CHSY3: variants seen among roughly 807,000 people sequenced by gnomAD.
The protein encoded by CHSY3 is N-acetylgalactosaminyl-proteoglycan 3-beta-glucuronosyltransferase 3.
A neutral mutation model predicts 67.2 loss-of-function variants in CHSY3; 35 were observed. That is an observed-to-expected ratio of 0.52 (90% CI 0.40 to 0.69). The LOEUF (loss-of-function observed/expected upper bound fraction) is 0.69. Ranked by LOEUF, CHSY3 falls within the 30% of genes least tolerant of loss-of-function variation. The probability of loss-of-function intolerance (pLI) is 0.00; values close to 1 mark genes in which losing one functional copy is unlikely to be tolerated. For synonymous variants in CHSY3, 474 were observed against 434.7 expected (o/e 1.09, Z -1.12); for missense variants, 1,069 against 1,138.5 (o/e 0.94, Z 0.88).
At chr5:130,002,272 G>C (rs1248747225) in intron 2 of CHSY3, 2 of 153,880 alleles carry the variant, frequency 1.3e-5, no homozygotes, top group Admixed American at 1.3e-4. Context: ...AGGCATGGCT[G>C]CCTCGGATCC....
chr5:129,967,500 A>G (rs777218069), intron 2 of CHSY3, among the ~76,000 whole-genome samples: 3 of 151,884 alleles, frequency 2.0e-5, no homozygotes, highest in Non-Finnish European at 2.9e-5. Flanking sequence ...TATTTAAAAG[A>G]TCTAATATTT....
intron 2 of CHSY3, among the ~76,000 whole-genome samples, chr5:129,927,661 A>T (rs937380438): frequency 6.6e-6 from 1 of 152,080 alleles, no homozygotes; most frequent in East Asian, 1.9e-4. Flanking sequence ...ATAGTGGCAC[A>T]TATCAGTTTC....
At chr5:130,162,057 A>AAAAAAAAAAAAAAAAAG (rs1554087189) in intron 2 of CHSY3, among the ~76,000 whole-genome samples, 11 of 122,976 alleles carry the variant, frequency 8.9e-5, no homozygotes, top group South Asian at 5.0e-4. Context: ...AAAAAAAAAA[A>AAAAAAAAAAAAAAAAAG]AAAGAAAGAA....
chr5:130,048,715 T>G (rs1255063822), intron 2 of CHSY3, among the ~76,000 whole-genome samples: 5 of 152,090 alleles, frequency 3.3e-5, no homozygotes, highest in African/African-American at 1.2e-4. Flanking sequence ...ATTCTTGTTA[T>G]GTATCTTTTC....
chr5:129,908,386 G>A (rs748973215), intron 2 of CHSY3, 26 bp downstream of exon 2: 1 of 1,610,762 alleles, frequency 6.2e-7, no homozygotes, highest in Non-Finnish European at 8.5e-7. Context: ...TGATGAAAAT[G>A]TTCACATAGT....
In CHSY3 at chr5:130,105,969, T is replaced by A. The variant is rs190857028; in HGVS notation, c.1087-78260T>A. On this transcript the variant is annotated intron_variant, in intron 2 of 2. Coordinates refer to ENST00000305031, the MANE Select transcript of CHSY3 (RefSeq NM_175856.5). The stretch of plus-strand genomic sequence containing the variant: ...GAGAACTAGGTTGCTGTTCTTTTTT[T>A]AAAAAAATTCTGATAAACAGGGTTT... Among the ~76,000 whole-genome samples, 252 of 151,664 alleles carry A rather than the reference T, an allele frequency of 1.7e-3. 1 individual carries two copies. The highest frequency in any genetic ancestry group is 1.1e-3 in the Admixed American group (17 of 15,198).
At chr5:130,059,442 C>T (rs1244121303) in intron 2 of CHSY3, among the ~76,000 whole-genome samples, 1 of 151,110 alleles carries the variant, frequency 6.6e-6, no homozygotes, top group Non-Finnish European at 1.5e-5. Flanking sequence ...CCCTCTCCTT[C>T]CCCCTCCCCC....
chr5:129,918,846 G>A (rs1356802136), intron 2 of CHSY3, among the ~76,000 whole-genome samples: 2 of 150,350 alleles, frequency 1.3e-5, no homozygotes, highest in East Asian at 1.9e-4. Context: ...GGTGGCTCAC[G>A]CCTGTAATCC....
intron 2 of CHSY3, among the ~76,000 whole-genome samples, chr5:129,984,574 A>G (rs537289328): frequency 1.3e-5 from 2 of 152,260 alleles, no homozygotes; most frequent in Non-Finnish European, 2.9e-5. Flanking sequence ...TGTTAATTCT[A>G]TTTTAAGTTC....
At chr5:130,119,876 A>G (rs564371011) in intron 2 of CHSY3, among the ~76,000 whole-genome samples, 1 of 152,252 alleles carries the variant, frequency 6.6e-6, no homozygotes, top group East Asian at 1.9e-4. Flanking sequence ...ATGTTTTTAT[A>G]CCCATGAAAA....
intron 2 of CHSY3, among the ~76,000 whole-genome samples, chr5:130,082,856 A>G (rs989769767): frequency 6.6e-6 from 1 of 151,706 alleles, no homozygotes; most frequent in Non-Finnish European, 1.5e-5. Context: ...CACTATATAT[A>G]TGTGTGTATA....
At chr5:130,127,573 A>C (rs1768335128) in intron 2 of CHSY3, among the ~76,000 whole-genome samples, 2 of 152,206 alleles carry the variant, frequency 1.3e-5, no homozygotes, top group African/African-American at 4.8e-5. Context: ...TTTGCTGTAA[A>C]TACATGGATA....
intron 2 of CHSY3, among the ~76,000 whole-genome samples, chr5:130,170,606 C>T (rs1040349930): frequency 6.6e-6 from 1 of 152,152 alleles, no homozygotes; most frequent in African/African-American, 2.4e-5. Context: ...TTCCCACCAA[C>T]AGTGTATGAG....
At chr5:130,088,581 CAAA>C (rs1370700523) in intron 2 of CHSY3, among the ~76,000 whole-genome samples, 1 of 152,086 alleles carries the variant, frequency 6.6e-6, no homozygotes, top group Non-Finnish European at 1.5e-5. Flanking sequence ...AGACACTTCT[CAAA>C]AGAAGACATT....
chr5:130,112,568 C>T (rs1411202015), intron 2 of CHSY3, among the ~76,000 whole-genome samples: 1 of 152,118 alleles, frequency 6.6e-6, no homozygotes, highest in Admixed American at 6.6e-5. Context: ...TGTCCAGCTA[C>T]ACTCCCCTAT....
intron 2 of CHSY3, among the ~76,000 whole-genome samples, chr5:129,964,727 A>C (rs999621042): frequency 2.6e-5 from 4 of 151,950 alleles, no homozygotes; most frequent in African/African-American, 9.7e-5. Context: ...AATTACTGTC[A>C]TAAGACTGGT....
In CHSY3 at chr5:129,919,349, A is replaced by G. The variant is rs535089966; in HGVS notation, c.1086+10989A>G. Among the ~76,000 whole-genome samples, 85 of 152,298 alleles carry G rather than the reference A, an allele frequency of 5.6e-4. 1 individual carries two copies. The highest frequency in any genetic ancestry group is 7.2e-4 in the Non-Finnish European group (49 of 68,020). Reference sequence around the variant, plus strand: ...AAAGGTAGGAAAACTGTTAATATCTATAAGATGTTGTCAACTAATCAGTTG... The same window carrying G: ...AAAGGTAGGAAAACTGTTAATATCTGTAAGATGTTGTCAACTAATCAGTTG... On this transcript the variant is annotated intron_variant, in intron 2 of 2. Coordinates refer to ENST00000305031, the MANE Select transcript of CHSY3 (RefSeq NM_175856.5).
rs756647141 is a variant in CHSY3 at position 130,036,054 on chromosome 5, C to T, written c.1086+127694C>T. Among the ~76,000 whole-genome samples, 5 of 151,938 alleles carry T rather than the reference C, an allele frequency of 3.3e-5. No homozygotes were observed. The South Asian group carries it at 8.3e-4, about 25-fold the overall frequency. On this transcript the variant is annotated intron_variant, in intron 2 of 2. Transcript: ENST00000305031. Reference sequence around the variant, plus strand: ...GCAACTAAGAGAAGAGCTTTGGTTCCGGATGCACTGACTGTCTCAAAAAAA... The same window carrying T: ...GCAACTAAGAGAAGAGCTTTGGTTCTGGATGCACTGACTGTCTCAAAAAAA...
chr5:129,994,932 G>C lies in CHSY3; in HGVS notation c.1086+86572G>C, dbSNP rs539677350. Among the ~76,000 whole-genome samples the C allele has an allele frequency of 1.1e-4, 17 of 152,110 alleles. No homozygotes were observed. The South Asian group carries it at 3.3e-3, about 30-fold the overall frequency. ...GGATGGGGGAGGGATAGCATTAGGA[G>C]ATATACCTAATGCTAAATGACGAGT... On this transcript the variant is annotated intron_variant, in intron 2 of 2. Coordinates refer to ENST00000305031, the MANE Select transcript of CHSY3 (RefSeq NM_175856.5).
Sources: allele counts gnomAD v4.1 joint callset (sites outside exome capture counted in the v4.1 genomes callset), GRCh38; gene constraint gnomAD v4.1.1; transcripts MANE v1.5; gene names NCBI Gene and HGNC (gene_info 2026-07-23, HGNC 2026-07-21).